The following PARP8 variants were observed in gnomAD, a reference collection of about 807,000 sequenced individuals.
The protein encoded by PARP8 is protein mono-ADP-ribosyltransferase PARP8.
Under a neutral mutation model 124.1 loss-of-function variants are expected in PARP8, and 51 were observed. The observed-to-expected ratio is 0.41, with a 90% CI of 0.33 to 0.52. PARP8 has a LOEUF of 0.52. Among genes scored for constraint, PARP8 ranks in the 20% least tolerant of loss-of-function variants. The pLI, the probability that PARP8 is intolerant of heterozygous loss-of-function variation, is 0.21. For missense variants in PARP8, 860 were observed against 1,018.9 expected, an observed-to-expected ratio of 0.84 and a Z score of 2.12; for synonymous variants, 391 against 361.5, an observed-to-expected ratio of 1.08 and a Z score of -0.93.
At chr5:50,720,413 A>G (rs1755757067) in intron 2 of PARP8, among the ~76,000 whole-genome samples, 2 of 151,664 alleles carry the variant, frequency 1.3e-5, no homozygotes, top group South Asian at 4.2e-4. Context: ...TGGTCTGATC[A>G]CTCTATTCAG....
intron 24 of PARP8, among the ~76,000 whole-genome samples, chr5:50,834,253 A>T (rs1747317500): frequency 6.6e-6 from 1 of 152,218 alleles, no homozygotes; most frequent in Admixed American, 6.5e-5. Flanking sequence ...GAATTCAGAG[A>T]GTGATATATT....
intron 14 of PARP8, among the ~76,000 whole-genome samples, chr5:50,810,540 T>C (rs1298832789): frequency 6.6e-6 from 1 of 152,038 alleles, no homozygotes; most frequent in Non-Finnish European, 1.5e-5. Context: ...ATATAACTAC[T>C]TGTGTGTCTT....
At chr5:50,716,784 T>C (rs1212115020) in intron 2 of PARP8, among the ~76,000 whole-genome samples, 1 of 152,126 alleles carries the variant, frequency 6.6e-6, no homozygotes, top group Non-Finnish European at 1.5e-5. Flanking sequence ...AATGAGCTAA[T>C]GCCTACATAA....
At chr5:50,761,208 T>G (rs1271067369) in intron 5 of PARP8, among the ~76,000 whole-genome samples, 12 of 152,044 alleles carry the variant, frequency 7.9e-5, no homozygotes, top group Admixed American at 7.9e-4. Flanking sequence ...CCCCATGAAT[T>G]TTCATTGTTT....
At position 50,832,809 on chromosome 5, in the gene PARP8, C is replaced by A; in HGVS notation, c.2262C>A (p.Ala754=). 6.2e-7 allele frequency: 1 copy of A among 1,613,416 alleles called. No homozygotes were observed. Among genetic ancestry groups the A allele is most frequent in the Non-Finnish European group, 8.5e-7 (1 of 1,179,602 alleles). Residue 754 remains alanine, a synonymous_variant, in exon 23 of 26, where the codon GCC becomes GCA. Transcript: ENST00000281631. Reference sequence around the variant, plus strand: ...TGAACAAGAAACAGAAGGTGTCAGCCAAGGACGAGCCAGCTTCAAGCAGTA... The same window carrying A: ...TGAACAAGAAACAGAAGGTGTCAGCAAAGGACGAGCCAGCTTCAAGCAGTA... ...SGMNKKQKVS[A]KDEPASSSKS...
At chr5:50,799,372 C>T (rs1284208007) in intron 14 of PARP8, among the ~76,000 whole-genome samples, 2 of 152,142 alleles carry the variant, frequency 1.3e-5, no homozygotes. Flanking sequence ...AATTATTTGA[C>T]TATAGATGTT....
intron 10 of PARP8, among the ~76,000 whole-genome samples, chr5:50,788,875 G>T (rs1741617444): frequency 6.6e-6 from 1 of 152,152 alleles, no homozygotes; most frequent in Non-Finnish European, 1.5e-5. Flanking sequence ...CACAGGCTCT[G>T]AGTCCCTAAC....
At chr5:50,694,320 C>T (rs1006773063) in intron 2 of PARP8, among the ~76,000 whole-genome samples, 8 of 152,146 alleles carry the variant, frequency 5.3e-5, no homozygotes, top group Non-Finnish European at 1.2e-4. Context: ...TTGTCAGTTC[C>T]ATAGTCACAA....
At chr5:50,803,641 T>A (rs1743483862) in intron 14 of PARP8, among the ~76,000 whole-genome samples, 1 of 152,156 alleles carries the variant, frequency 6.6e-6, no homozygotes, top group Admixed American at 6.5e-5. Context: ...ACTTTTCAAC[T>A]CCAGAGTTTA....
At chr5:50,762,430 T>C (rs1341922563) in intron 6 of PARP8, among the ~76,000 whole-genome samples, 1 of 152,114 alleles carries the variant, frequency 6.6e-6, no homozygotes, top group East Asian at 1.9e-4. Flanking sequence ...AAAGAACTCA[T>C]CAGAATTTTT....
chr5:50,690,511 G>C (rs1241084265), intron 2 of PARP8, among the ~76,000 whole-genome samples: 3 of 152,010 alleles, frequency 2.0e-5, no homozygotes, highest in African/African-American at 7.2e-5. Context: ...TGAGGACTTT[G>C]GTGCCGAGTT....
At chr5:50,821,101 G>A (rs753740040) in intron 15 of PARP8, 112 bp from the exon 16 acceptor site, 1 of 1,231,114 alleles carries the variant, frequency 8.1e-7, no homozygotes, top group Non-Finnish European at 1.2e-6. Context: ...TGAGAGATTG[G>A]TAGCAGTCCT....
At chr5:50,828,861 A>T (rs1746635844) in intron 21 of PARP8, among the ~76,000 whole-genome samples, 2 of 152,172 alleles carry the variant, frequency 1.3e-5, no homozygotes, top group South Asian at 4.1e-4. Flanking sequence ...ACTGTACCTC[A>T]GCCTGGGTGA....
At chr5:50,699,514 A>G (rs1753370114) in intron 2 of PARP8, among the ~76,000 whole-genome samples, 1 of 152,182 alleles carries the variant, frequency 6.6e-6, no homozygotes, top group South Asian at 2.1e-4. Flanking sequence ...TGGTGACATC[A>G]GGGGAAACAG....
At chr5:50,697,308 G>A (rs564040261) in intron 2 of PARP8, among the ~76,000 whole-genome samples, 45 of 152,030 alleles carry the variant, frequency 3.0e-4, no homozygotes, top group South Asian at 1.2e-3. Context: ...CATATCCTTC[G>A]GAATAAAAAA....
chr5:50,726,216 G>T (rs545441397), intron 2 of PARP8, among the ~76,000 whole-genome samples: 4 of 152,122 alleles, frequency 2.6e-5, no homozygotes, highest in African/African-American at 9.6e-5. Context: ...GACTTTGGGA[G>T]CATTTCTAAA....
At chr5:50,763,869 C>A (rs1052638203) in intron 7 of PARP8, among the ~76,000 whole-genome samples, 3 of 152,160 alleles carry the variant, frequency 2.0e-5, no homozygotes, top group African/African-American at 7.2e-5. Context: ...GATTTCCATT[C>A]TTTGCCTACA....
In PARP8 at chr5:50,794,968, A is replaced by C. The variant is rs1398825254; in HGVS notation, c.979A>C (p.Lys327Gln). 6.2e-7 allele frequency: 1 copy of C among 1,614,226 alleles called. No individual in the cohort carries two copies. The highest frequency in any genetic ancestry group is 8.5e-7 in the Non-Finnish European group (1 of 1,180,038). ...LLRRTCSSTV[K>Q]TDDVCVTKSH... is the part of the protein sequence containing the mutation. ...GCGGAGGACTTGTTCCAGCACAGTC[A>C]AGACTGATGATGTGTGTGTCACAAA... Residue 327 changes from lysine (K) to glutamine (Q), a missense_variant, in exon 12 of 26, where the codon AAG becomes CAG. By Grantham distance (53) the Lys-to-Gln change is moderately conservative. Coordinates refer to ENST00000281631, the MANE Select transcript of PARP8 (RefSeq NM_024615.4).
intron 15 of PARP8, among the ~76,000 whole-genome samples, chr5:50,820,692 A>G (rs1015214681): frequency 6.6e-6 from 1 of 152,174 alleles, no homozygotes; most frequent in African/African-American, 2.4e-5. Flanking sequence ...TTCTCGCCAG[A>G]TGGTCGCATG....
Sources: gnomAD v4.1 joint callset for allele counts (sites outside exome capture counted in the v4.1 genomes callset) on GRCh38, gnomAD v4.1.1 for gene constraint, MANE v1.5 for transcripts, NCBI Gene and HGNC (gene_info 2026-07-23, HGNC 2026-07-21) for gene names.